Variants in FBXO11 observed in about 807,000 individuals in gnomAD.
The protein encoded by FBXO11 is F-box only protein 11.
FBXO11 carries 13 observed loss-of-function variants against 117.0 expected under a neutral mutation model. The ratio of observed to expected loss-of-function variants is 0.11; its 90% confidence interval spans 0.07 to 0.18. The LOEUF is 0.18. Ranked by LOEUF, FBXO11 falls within the 10% of genes least tolerant of loss-of-function variation. FBXO11 has a pLI of 1.00. For missense variants in FBXO11, 767 were observed against 1,164.4 expected (o/e 0.66, Z 4.97); for synonymous variants, 490 against 380.5 (o/e 1.29, Z -3.35).
chr2:47,817,380 A>AT (rs934379100), intron 16 of FBXO11, among the ~76,000 whole-genome samples: 1 of 152,138 alleles, frequency 6.6e-6, no homozygotes, highest in South Asian at 2.1e-4. Context: ...GCATAAGTCC[A>AT]TTTTTTTGTT....
At chr2:47,856,815 C>T (rs995884325) in intron 1 of FBXO11, among the ~76,000 whole-genome samples, 1 of 152,132 alleles carries the variant, frequency 6.6e-6, no homozygotes, top group African/African-American at 2.4e-5. Flanking sequence ...AAATGTAGAA[C>T]TGAAACAGTA....
intron 1 of FBXO11, among the ~76,000 whole-genome samples, chr2:47,861,969 G>A (rs1423696793): frequency 6.6e-6 from 1 of 151,792 alleles, no homozygotes; most frequent in Non-Finnish European, 1.5e-5. Flanking sequence ...CTGGAGTGCA[G>A]TGGCACAGTC....
intron 11 of FBXO11, among the ~76,000 whole-genome samples, chr2:47,826,648 T>C (rs1416681467): frequency 6.6e-6 from 1 of 152,176 alleles, no homozygotes; most frequent in African/African-American, 2.4e-5. Flanking sequence ...CTATTCAGAG[T>C]TGAGCCATAA....
At chr2:47,821,018 A>C (rs929891769) in intron 13 of FBXO11, among the ~76,000 whole-genome samples, 37 of 152,374 alleles carry the variant, frequency 2.4e-4, no homozygotes, top group African/African-American at 7.0e-4. Flanking sequence ...TTCTCTAATT[A>C]GCACAAAGTA....
chr2:47,812,495 T>A (rs763625954), intron 18 of FBXO11, among the ~76,000 whole-genome samples: 1 of 152,232 alleles, frequency 6.6e-6, no homozygotes, highest in Non-Finnish European at 1.5e-5. Flanking sequence ...GTGAAAACTA[T>A]CTGAGATACG....
Position 47,833,003 on chromosome 2 carries a change from T to C in FBXO11, c.1002A>G (p.Glu334=). Residue 334 remains glutamate (E), a synonymous_variant, in exon 8 of 23, where the codon GAA becomes GAG. Transcript: ENST00000403359. ...ATCCAACATAAGCATCTTCAGAGCC[T>C]TCCATAAAAACGAAGGTTGAATCTC... ...NTRDSTFVFM[E]GSEDAYVGYM... 1 of 1,613,824 alleles carries C rather than the reference T, an allele frequency of 6.2e-7. No homozygotes were observed. Among genetic ancestry groups the C allele is most frequent in the Non-Finnish European group, 8.5e-7 (1 of 1,179,750 alleles).
Position 47,905,800 on chromosome 2 carries a change from G to A in FBXO11, c.-80C>T. On this transcript the variant is annotated 5_prime_UTR_variant, in exon 1 of 23. Transcript: ENST00000403359. ...GCGAGCTTCGGGGCAGGAGAAAGGG[G>A]TGGGGAGAGTGGGAGAGGGGGGAGG... is the stretch of plus-strand genomic sequence containing the variant. 1 of 1,357,436 alleles carries A rather than the reference G, an allele frequency of 7.4e-7. No homozygotes were observed. The highest frequency in any genetic ancestry group is 1.5e-5 in the African/African-American group (1 of 65,308). The allele number at this position is 1,357,436 out of a possible 1,614,324, so 84.1% of individuals were successfully genotyped here.
intron 1 of FBXO11, among the ~76,000 whole-genome samples, chr2:47,842,165 G>T (rs921427543): frequency 1.3e-5 from 2 of 151,008 alleles, no homozygotes; most frequent in Non-Finnish European, 2.9e-5. Flanking sequence ...ACAGGTGCAC[G>T]CCACTATGGC....
In FBXO11 at chr2:47,807,115, T is replaced by C. The variant is rs1670265234; in HGVS notation, c.*1003A>G. On this transcript the variant is annotated 3_prime_UTR_variant, in exon 23 of 23. Transcript: ENST00000403359. Reference sequence around the variant, plus strand: ...ACCCACTGTCACCAATACACATAAATGGGGGAGGAAAAGCTATGAAACTGT... The same window carrying C: ...ACCCACTGTCACCAATACACATAAACGGGGGAGGAAAAGCTATGAAACTGT... The C allele has an allele frequency of 2.1e-6, 1 of 479,778 alleles. No individual in the cohort carries two copies. Among genetic ancestry groups the C allele is most frequent in the Non-Finnish European group, 3.7e-6 (1 of 269,172 alleles). 29.7% of individuals were successfully genotyped at this position (479,778 alleles called of 1,614,324 possible).
At chr2:47,811,781 C>T (rs1478959338) in intron 18 of FBXO11, 1 of 152,190 alleles carries the variant, frequency 6.6e-6, no homozygotes, top group Non-Finnish European at 1.5e-5. Flanking sequence ...GTTGGTTCCA[C>T]CCTTTTTATA....
chr2:47,864,417 A>G (rs1398244220), intron 1 of FBXO11, among the ~76,000 whole-genome samples: 1 of 152,090 alleles, frequency 6.6e-6, no homozygotes, highest in African/African-American at 2.4e-5. Context: ...GCAAAACCCC[A>G]TCTCTACTAA....
intron 1 of FBXO11, among the ~76,000 whole-genome samples, chr2:47,866,333 C>T (rs77744048): frequency 0.073 from 10,848 of 149,568 alleles, 544 homozygotes; most frequent in Non-Finnish European, 0.11. Flanking sequence ...AATTCAAATA[C>T]ACTCTATCTC....
At chr2:47,835,121 G>T (rs1236931036) in intron 5 of FBXO11, among the ~76,000 whole-genome samples, 1 of 152,064 alleles carries the variant, frequency 6.6e-6, no homozygotes, top group African/African-American at 2.4e-5. Context: ...TTTGTTATGG[G>T]GGCTGTCCTG....
chr2:47,822,903 G>T (rs1369748742), intron 12 of FBXO11, among the ~76,000 whole-genome samples: 2 of 152,086 alleles, frequency 1.3e-5, no homozygotes, highest in Admixed American at 1.3e-4. Flanking sequence ...CACAGCATTT[G>T]CAATTTTTCA....
At position 47,900,768 on chromosome 2, in the gene FBXO11, A is replaced by C. The variant is rs1459459579; in HGVS notation, c.232+4721T>G. Reference sequence around the variant, plus strand: ...TACACGTATACACACACGTGTATATATATACACGTATACACACACGTGTAT... The same window carrying C: ...TACACGTATACACACACGTGTATATCTATACACGTATACACACACGTGTAT... On this transcript the variant is annotated intron_variant, in intron 1 of 22. Coordinates refer to ENST00000403359, the MANE Select transcript of FBXO11 (RefSeq NM_001190274.2). Among the ~76,000 whole-genome samples the C allele has an allele frequency of 2.4e-3, 258 of 109,342 alleles. 4 individuals are homozygous for C. Among genetic ancestry groups the C allele is most frequent in the Middle Eastern group, 5.0e-3 (1 of 202 alleles). The allele number at this position is 109,342 out of a possible 152,430, so 71.7% of individuals were successfully genotyped here.
chr2:47,856,258 C>T (rs1373947911), intron 1 of FBXO11, among the ~76,000 whole-genome samples: 1 of 152,106 alleles, frequency 6.6e-6, no homozygotes, highest in African/African-American at 2.4e-5. Flanking sequence ...AAATAGATTT[C>T]CAGACACACA....
At chr2:47,871,204 AGCCACGT>A in intron 1 of FBXO11, among the ~76,000 whole-genome samples, 1 of 152,306 alleles carries the variant, frequency 6.6e-6, no homozygotes, top group East Asian at 1.9e-4. Context: ...CTCTGGACAA[AGCCACGT>A]GCCCTATCAC....
chr2:47,838,061 CAAAAA>C (rs11286219), intron 4 of FBXO11, among the ~76,000 whole-genome samples: 4 of 104,506 alleles, frequency 3.8e-5, no homozygotes, highest in African/African-American at 1.1e-4. Flanking sequence ...CCCTTTGTCT[CAAAAA>C]AAAAAAAAAA....
Position 47,905,608 on chromosome 2 carries a change from T to TGCTGGGGCG in FBXO11, c.104_112dup (p.Pro35_Gln37dup), listed in dbSNP as rs777640905. 2 of 1,348,642 alleles carry TGCTGGGGCG rather than the reference T, an allele frequency of 1.5e-6. No homozygotes were observed. Among genetic ancestry groups the TGCTGGGGCG allele is most frequent in the Non-Finnish European group, 1.9e-6 (2 of 1,048,370 alleles). The allele number at this position is 1,348,642 out of a possible 1,614,324, so 83.5% of individuals were successfully genotyped here. ...CGGAGGCTGCTGCTGGGGCGGCTGC[T>TGCTGGGGCG]GCTGGGGCGGCTGCGGCGGCGGCTG... is the stretch of plus-strand genomic sequence containing the variant. On this transcript the variant is annotated inframe_insertion, in exon 1 of 23. Transcript: ENST00000403359.
Sources: allele counts gnomAD v4.1 joint callset (sites outside exome capture counted in the v4.1 genomes callset), GRCh38; gene constraint gnomAD v4.1.1; transcripts MANE v1.5; gene names NCBI Gene and HGNC (gene_info 2026-07-23, HGNC 2026-07-21).